ATF3: variants seen among roughly 807,000 people sequenced by gnomAD.
ATF3 encodes activating transcription factor 3, also known as cyclic AMP-dependent transcription factor ATF-3.
ATF3 carries 10 observed loss-of-function variants against 18.4 expected under a neutral mutation model. The ratio of observed to expected loss-of-function variants is 0.54; its 90% CI spans 0.34 to 0.92. The LOEUF (loss-of-function observed/expected upper bound fraction) is 0.92. ATF3 is among the 40% of genes least tolerant of loss of function. The pLI is 0.02. For synonymous variants in ATF3, 78 were observed against 87.9 expected, an observed-to-expected ratio of 0.89 and a Z score of 0.63; for missense variants, 183 against 222.3, an observed-to-expected ratio of 0.82 and a Z score of 1.12.
intron 1 of ATF3, among the ~76,000 whole-genome samples, chr1:212,586,996 A>G (rs888781471): frequency 6.6e-5 from 10 of 152,202 alleles, no homozygotes; most frequent in African/African-American, 2.4e-4. Context: ...GGTGCAGAGA[A>G]GCTCTGGGGA....
chr1:212,595,822 C>T (rs1664982111), intron 1 of ATF3, among the ~76,000 whole-genome samples: 1 of 152,188 alleles, frequency 6.6e-6, no homozygotes, highest in African/African-American at 2.4e-5. Flanking sequence ...TAATAGGCCC[C>T]ACTAATTACA....
rs746651905 is a variant in ATF3 at position 212,618,119 on chromosome 1, T to G, written c.241-8T>G. 1.1e-5 allele frequency: 17 copies of G among 1,613,980 alleles called. No individual in the cohort carries two copies. The South Asian group carries it at 1.9e-4, about 18-fold the overall frequency. ...GCCCTTTAAATGTGTTTCTTTTGGATTTTACAGGTAGCCCCTGAAGAAGAT... is the reference window on the plus strand; with the variant it reads ...GCCCTTTAAATGTGTTTCTTTTGGAGTTTACAGGTAGCCCCTGAAGAAGAT... On this transcript the variant is annotated splice_polypyrimidine_tract_variant and splice_region_variant and intron_variant, in intron 2 of 3. Transcript: ENST00000341491. This position sits in a 1 kb window ranked among gnomAD's most constrained non-coding sequence, Gnocchi z 4.4.
chr1:212,573,626 A>G (rs1664521795), intron 1 of ATF3, among the ~76,000 whole-genome samples: 1 of 151,998 alleles, frequency 6.6e-6, no homozygotes, highest in South Asian at 2.1e-4. Context: ...TCAATGTTTG[A>G]AATTACTGAA....
chr1:212,614,487 T>C (rs1444275692), intron 1 of ATF3, among the ~76,000 whole-genome samples: 1 of 152,066 alleles, frequency 6.6e-6, no homozygotes, highest in East Asian at 1.9e-4. Context: ...TCCCCACTTT[T>C]TGCTTTTACT....
intron 1 of ATF3, among the ~76,000 whole-genome samples, chr1:212,603,270 T>C (rs555891672): frequency 3.3e-5 from 5 of 152,228 alleles, no homozygotes. Context: ...TCTGTATTAC[T>C]AGCCCATGCT....
At chr1:212,583,011 T>C (rs1439939567) in intron 1 of ATF3, among the ~76,000 whole-genome samples, 1 of 151,830 alleles carries the variant, frequency 6.6e-6, no homozygotes, top group African/African-American at 2.4e-5. Flanking sequence ...CCTTCATCTC[T>C]CCAGGGAAAG....
At chr1:212,607,774 C>A (rs1030166293), upstream of ATF3, among the ~76,000 whole-genome samples, 1 of 152,258 alleles carries the variant, frequency 6.6e-6, no homozygotes, top group African/African-American at 2.4e-5. Context: ...CTTTCCCCCT[C>A]CTCCTGGCCG....
intron 1 of ATF3, among the ~76,000 whole-genome samples, chr1:212,597,881 C>T (rs1654358597): frequency 6.6e-6 from 1 of 152,186 alleles, no homozygotes; most frequent in South Asian, 2.1e-4. Flanking sequence ...ACCTTAGAAA[C>T]AATTTTATTC....
chr1:212,612,588 G>A (rs1218305847), intron 1 of ATF3, among the ~76,000 whole-genome samples: 2 of 152,334 alleles, frequency 1.3e-5, no homozygotes, highest in Non-Finnish European at 2.9e-5. Flanking sequence ...GCCTGACAGC[G>A]ACAAGTATCC....
At chr1:212,607,030 C>T (rs1654647869), upstream of ATF3, among the ~76,000 whole-genome samples, 2 of 152,144 alleles carry the variant, frequency 1.3e-5, no homozygotes. Flanking sequence ...AGGTCCAGAG[C>T]AGGATCTCGG....
At chr1:212,616,369 T>G (rs1655127437) in intron 2 of ATF3, among the ~76,000 whole-genome samples, 1 of 152,206 alleles carries the variant, frequency 6.6e-6, no homozygotes, top group Admixed American at 6.5e-5. Context: ...TGATCTTGGC[T>G]CACTGCAACC....
Position 212,618,053 on chromosome 1 carries a change from A to G in ATF3, c.241-74A>G. On this transcript the variant is annotated intron_variant, in intron 2 of 3. Coordinates refer to ENST00000341491, the MANE Select transcript of ATF3 (RefSeq NM_001674.4). The surrounding 1 kb of genome is among the most constrained non-coding windows in gnomAD (Gnocchi z 4.4). Reference sequence around the variant, plus strand: ...CCCTTGTCTGCCAGCTTTTGCTGGCAGTAAAAGGCAGTGTATTTGAGGTAG... The same window carrying G: ...CCCTTGTCTGCCAGCTTTTGCTGGCGGTAAAAGGCAGTGTATTTGAGGTAG... 2.0e-6 allele frequency: 3 copies of G among 1,475,396 alleles called. No individual in the cohort carries two copies. Among genetic ancestry groups the G allele is most frequent in the Non-Finnish European group, 2.8e-6 (3 of 1,060,794 alleles). The allele number at this position is 1,475,396 out of a possible 1,614,324, so 91.4% of individuals were successfully genotyped here.
chr1:212,605,744 C>G (rs1007609493), upstream of ATF3, among the ~76,000 whole-genome samples: 1 of 152,106 alleles, frequency 6.6e-6, no homozygotes. Flanking sequence ...AATTTTTTCC[C>G]TTCCTTTTGC....
chr1:212,616,184 A>G (rs572130733), intron 2 of ATF3, among the ~76,000 whole-genome samples: 28 of 152,190 alleles, frequency 1.8e-4, no homozygotes, highest in Admixed American at 3.3e-4. Flanking sequence ...TGGGTCTTAC[A>G]GATTATTATT....
intron 1 of ATF3, among the ~76,000 whole-genome samples, chr1:212,591,031 G>A (rs945315228): frequency 3.9e-5 from 6 of 152,174 alleles, no homozygotes; most frequent in Admixed American, 2.0e-4. Flanking sequence ...ACACAAGACC[G>A]TCCACCATCT....
chr1:212,600,083 A>G (rs1017965318), intron 1 of ATF3, among the ~76,000 whole-genome samples: 2 of 152,244 alleles, frequency 1.3e-5, no homozygotes, highest in African/African-American at 4.8e-5. Context: ...TTTTATTTTG[A>G]GTGAACAACA....
At position 212,618,203 on chromosome 1, in the gene ATF3, A is replaced by G. The variant is rs1174057087; in HGVS notation, c.317A>G (p.Lys106Arg). The change falls in exon 3 of 4, where the codon AAG becomes AGG. Residue 106 changes from lysine to arginine, a missense_variant. By Grantham distance (26) the Lys-to-Arg change is conservative. Transcript: ENST00000341491. This position sits in a 1 kb window ranked among gnomAD's most constrained non-coding sequence, Gnocchi z 4.4. ...ATTGCAGCTGCAAAGTGCCGAAACAAGAAGAAGGAGAAGACGGAGTGCCTG... is the reference window on the plus strand; with the variant it reads ...ATTGCAGCTGCAAAGTGCCGAAACAGGAAGAAGGAGAAGACGGAGTGCCTG... Reference protein sequence around the residue: ...NKIAAAKCRNKKKEKTECLQK... With the variant: ...NKIAAAKCRNRKKEKTECLQK... The G allele has an allele frequency of 1.2e-6, 2 of 1,614,138 alleles. No homozygotes were observed. The highest frequency in any genetic ancestry group is 1.7e-6 in the Non-Finnish European group (2 of 1,179,974).
At chr1:212,589,535 T>C (rs777984250) in intron 1 of ATF3, among the ~76,000 whole-genome samples, 1 of 151,894 alleles carries the variant, frequency 6.6e-6, no homozygotes, top group Non-Finnish European at 1.5e-5. Flanking sequence ...TTCAATTTTA[T>C]AGAGGTGAGT....
At chr1:212,571,321 A>G (rs1425755253) in intron 1 of ATF3, among the ~76,000 whole-genome samples, 1 of 152,182 alleles carries the variant, frequency 6.6e-6, no homozygotes, top group Non-Finnish European at 1.5e-5. Flanking sequence ...TATTTTGATT[A>G]TGATTTGAGG....
Sources: gnomAD v4.1 joint callset for allele counts (sites outside exome capture counted in the v4.1 genomes callset) on GRCh38, gnomAD v4.1.1 for gene constraint, Gnocchi (gnomAD v3.1) non-coding constraint, MANE v1.5 for transcripts, NCBI Gene and HGNC (gene_info 2026-07-23, HGNC 2026-07-21) for gene names.